The following ILDR1 variants were observed in gnomAD, a reference collection of about 807,000 sequenced individuals.
The protein encoded by ILDR1 is immunoglobulin like domain containing receptor 1, also known as immunoglobulin-like domain-containing receptor 1.
ILDR1 carries 56 observed loss-of-function variants against 62.4 expected under a neutral mutation model. That is an observed-to-expected ratio of 0.90 (90% CI 0.72 to 1.12). ILDR1 has a LOEUF of 1.12. ILDR1 is among the 50% of genes most tolerant of loss of function. ILDR1 has a pLI of 0.00. For missense variants in ILDR1, 736 were observed against 710.6 expected (o/e 1.04, Z -0.41); for synonymous variants, 284 against 277.8 (o/e 1.02, Z -0.22).
chr3:122,060,835 G>A, the ILDR1 span, among the ~76,000 whole-genome samples: 5 of 151,974 alleles, frequency 3.3e-5, no homozygotes, highest in African/African-American at 9.7e-5. Context: ...GCTTCGCAGA[G>A]GTAAAGCCTC....
At chr3:122,001,547 C>T (rs2107655824) in intron 4 of ILDR1, 93 bp from the exon 5 acceptor site, 1 of 1,518,330 alleles carries the variant, frequency 6.6e-7, no homozygotes, top group Non-Finnish European at 9.1e-7. Context: ...ATAAACACAG[C>T]TCTTGACCTA....
chr3:121,988,351 G>T lies in ILDR1; in HGVS notation c.*16C>A, dbSNP rs1478259133. Reference sequence around the variant, plus strand: ...GAGCCGAGAAGTAGCCACAGAAGTTGTGCTGTGCTTGGTGACTAAATGACC... The same window carrying T: ...GAGCCGAGAAGTAGCCACAGAAGTTTTGCTGTGCTTGGTGACTAAATGACC... On this transcript the variant is annotated 3_prime_UTR_variant, in exon 8 of 8. Coordinates refer to ENST00000344209, the MANE Select transcript of ILDR1 (RefSeq NM_001199799.2). The T allele has an allele frequency of 5.6e-6, 9 of 1,610,470 alleles. No individual in the cohort carries two copies. The highest frequency in any genetic ancestry group is 7.6e-6 in the Non-Finnish European group (9 of 1,176,714).
chr3:121,990,770 A>G (rs1309092938), intron 7 of ILDR1, among the ~76,000 whole-genome samples: 1 of 152,206 alleles, frequency 6.6e-6, no homozygotes, highest in Non-Finnish European at 1.5e-5. Context: ...CTAAGGAGGC[A>G]GCATGAATTA....
chr3:121,993,241 T>C lies in ILDR1; in HGVS notation c.1508A>G (p.His503Arg), dbSNP rs146413045. The change falls in exon 7 of 8, where the codon CAC becomes CGC. Residue 503 changes from histidine to arginine, a missense_variant. Physicochemically the swap from His to Arg is conservative, Grantham distance 29. Coordinates refer to ENST00000344209, the MANE Select transcript of ILDR1 (RefSeq NM_001199799.2). ...GCTAGGCGGCTTCTCCTCGGGCCAGTGTGGGGAGTGCGAGCCGCGGCGGTG... is the reference window on the plus strand; with the variant it reads ...GCTAGGCGGCTTCTCCTCGGGCCAGCGTGGGGAGTGCGAGCCGCGGCGGTG... ...RAHRRGSHSP[H>R]WPEEKPPSYR... The C allele has an allele frequency of 1.5e-5, 24 of 1,613,864 alleles. No homozygotes were observed. In the African/African-American group the frequency reaches 2.3e-4, roughly 15 times the overall value.
chr3:121,994,035 C>T lies in ILDR1; in HGVS notation c.779-65G>A, dbSNP rs901104672. 127 of 1,538,812 alleles carry T rather than the reference C, an allele frequency of 8.3e-5. 1 individual carries two copies. The highest frequency in any genetic ancestry group is 2.6e-5 in the Non-Finnish European group (30 of 1,134,042). The stretch of plus-strand genomic sequence containing the variant: ...CAAAACATACACCTCAGAATCAGGA[C>T]ATCAAAATGTGACATTGGTTAGCAT... On this transcript the variant is annotated intron_variant, in intron 6 of 7. Coordinates refer to ENST00000344209, the MANE Select transcript of ILDR1 (RefSeq NM_001199799.2).
Position 121,988,272 on chromosome 3 carries a change from A to C in ILDR1, c.*95T>G. 1.0e-6 allele frequency: 1 copy of C among 992,586 alleles called. No homozygotes were observed. The highest frequency in any genetic ancestry group is 1.6e-6 in the Non-Finnish European group (1 of 613,802). 61.5% of individuals were successfully genotyped at this position (992,586 alleles called of 1,614,324 possible). On this transcript the variant is annotated 3_prime_UTR_variant, in exon 8 of 8. Coordinates refer to ENST00000344209, the MANE Select transcript of ILDR1 (RefSeq NM_001199799.2). ...ATCTAAGCCAAAAACTGTTAGACTC[A>C]GACTTGCAGTTCCCAAGTCAGCTGG... is the stretch of plus-strand genomic sequence containing the variant.
chr3:121,994,922 C>T (rs1346784611), intron 5 of ILDR1, among the ~76,000 whole-genome samples: 1 of 152,158 alleles, frequency 6.6e-6, no homozygotes, highest in Non-Finnish European at 1.5e-5. Flanking sequence ...TCCAGTGAGT[C>T]CTTTCTACTC....
the ILDR1 span, among the ~76,000 whole-genome samples, chr3:122,028,676 G>C: frequency 1.3e-5 from 2 of 152,148 alleles, no homozygotes; most frequent in Non-Finnish European, 2.9e-5. Flanking sequence ...AACATTAGAA[G>C]ACACTCAACT....
the ILDR1 span, among the ~76,000 whole-genome samples, chr3:122,050,544 T>TCCC: frequency 4.4e-5 from 6 of 136,746 alleles, no homozygotes; most frequent in African/African-American, 1.7e-4. Context: ...TTGCTTTTAC[T>TCCC]TCCCCCCCCC....
Position 122,001,832 on chromosome 3 carries a change from A to AC in ILDR1, c.411dup (p.Trp138ValfsTer11), listed in dbSNP as rs1332542886. ...GTGCAGTAATACACTCCATGGTCCC[A>AC]CCACATCACTTCATTTATCACGAGA... On this transcript the variant is annotated frameshift_variant, in exon 4 of 8. Transcript: ENST00000344209. LOFTEE classifies it high-confidence loss of function. 2 of 1,613,592 alleles carry AC rather than the reference A, an allele frequency of 1.2e-6. No individual in the cohort carries two copies. The highest frequency in any genetic ancestry group is 1.7e-6 in the Non-Finnish European group (2 of 1,179,964).
At chr3:122,001,888 T>C (rs369401830) in intron 3 of ILDR1, 24 bp from the exon 4 acceptor site, 2 of 1,612,512 alleles carry the variant, frequency 1.2e-6, no homozygotes, top group Non-Finnish European at 8.5e-7. Context: ...AGGGAGAAAG[T>C]GCCAGTGTCA....
chr3:122,048,214 C>G, the ILDR1 span, among the ~76,000 whole-genome samples: 1,101 of 152,046 alleles, frequency 7.2e-3, 8 homozygotes, highest in Non-Finnish European at 0.013. Flanking sequence ...TTGAGATGAC[C>G]ATATGATTTT....
At chr3:122,037,504 C>A in the ILDR1 span, among the ~76,000 whole-genome samples, 2 of 152,180 alleles carry the variant, frequency 1.3e-5, no homozygotes, top group African/African-American at 2.4e-5. Context: ...CTCTTTGTTT[C>A]GGCCAATTTC....
chr3:121,993,519 C>T lies in ILDR1; in HGVS notation c.1230G>A (p.Gly410=), dbSNP rs1389214357. 1.2e-6 allele frequency: 2 copies of T among 1,614,232 alleles called. No individual in the cohort carries two copies. Among genetic ancestry groups the T allele is most frequent in the Non-Finnish European group, 1.7e-6 (2 of 1,180,038 alleles). ...SGRHRSSRLN[G]SPIHWSDRDS... ...CCCTGTCTGACCAGTGTATGGGTGA[C>T]CCATTCAGCCTAGAGCTACGGTGCC... Residue 410 remains glycine (G), a synonymous_variant, in exon 7 of 8, where the codon GGG becomes GGA. Transcript: ENST00000344209.
chr3:122,025,186 A>T (rs1012194595), upstream of ILDR1: 3 of 152,352 alleles, frequency 2.0e-5, no homozygotes, highest in African/African-American at 7.2e-5. Flanking sequence ...TATTCTAGGC[A>T]CTTTTAAAAA....
intron 7 of ILDR1, among the ~76,000 whole-genome samples, chr3:121,988,829 C>G (rs567323804): frequency 6.6e-6 from 1 of 152,324 alleles, no homozygotes; most frequent in Admixed American, 6.5e-5. Context: ...CTTCCCAGCC[C>G]TTTTCTAAAA....
chr3:122,053,756 G>A, the ILDR1 span, among the ~76,000 whole-genome samples: 4 of 152,146 alleles, frequency 2.6e-5, no homozygotes. Flanking sequence ...AGGAGAAAAT[G>A]CTTATGCTAT....
At chr3:121,996,205 C>T (rs188335884) in intron 5 of ILDR1, among the ~76,000 whole-genome samples, 1 of 152,300 alleles carries the variant, frequency 6.6e-6, no homozygotes, top group African/African-American at 2.4e-5. Flanking sequence ...TTCCTTCAAT[C>T]AGGGAGAAAG....
chr3:122,032,196 C>T, the ILDR1 span, among the ~76,000 whole-genome samples: 4 of 152,126 alleles, frequency 2.6e-5, no homozygotes, highest in Admixed American at 2.6e-4. Flanking sequence ...GGCTTTGCCT[C>T]CTTTTAACAT....
Sources: allele counts gnomAD v4.1 joint callset (sites outside exome capture counted in the v4.1 genomes callset), GRCh38; gene constraint gnomAD v4.1.1; transcripts MANE v1.5; gene names NCBI Gene and HGNC (gene_info 2026-07-23, HGNC 2026-07-21).